The following COL22A1 variants were observed in gnomAD, a reference collection of about 807,000 sequenced individuals.
COL22A1 encodes the protein collagen alpha-1(XXII) chain.
In COL22A1, 221 loss-of-function variants were observed where a neutral mutation model predicts 248.9. The ratio of observed to expected loss-of-function variants is 0.89; its 90% confidence interval spans 0.80 to 0.99. The LOEUF (loss-of-function observed/expected upper bound fraction) is 0.99. COL22A1 is among the 50% of genes least tolerant of loss of function. The pLI, the probability that COL22A1 is intolerant of heterozygous loss-of-function variation, is 0.00. For missense variants in COL22A1, 2,240 were observed against 2,179.0 expected (o/e 1.03, Z -0.56); for synonymous variants, 891 against 793.4 (o/e 1.12, Z -2.07).
At chr8:138,793,173 C>A (rs1016379381) in intron 12 of COL22A1, among the ~76,000 whole-genome samples, 1 of 152,220 alleles carries the variant, frequency 6.6e-6, no homozygotes, top group Non-Finnish European at 1.5e-5. Context: ...CCAATACCCT[C>A]AAACTCAATC....
intron 52 of COL22A1, chr8:138,619,873 C>T (rs1191813756): frequency 4.0e-6 from 1 of 247,862 alleles, no homozygotes; most frequent in Non-Finnish European, 7.9e-6. Context: ...CCGCTATTAA[C>T]ACTTGCACTT....
intron 16 of COL22A1, among the ~76,000 whole-genome samples, chr8:138,774,033 T>C (rs998787013): frequency 6.6e-6 from 1 of 152,122 alleles, no homozygotes; most frequent in African/African-American, 2.4e-5. Flanking sequence ...TTACTCCAAA[T>C]GCCACTTTTA....
In COL22A1 at chr8:138,882,952, C is replaced by T. The variant is rs115485814; in HGVS notation, c.91+130G>A. On this transcript the variant is annotated intron_variant, in intron 2 of 64. Transcript: ENST00000303045. ...AGGCAGCTGACTCACACTTGGATTC[C>T]GGACTCTCCCTCTCTCTCACACAGT... 2,426 of 851,410 alleles carry T rather than the reference C, an allele frequency of 2.8e-3. 41 individuals carry two copies. In the African/African-American group the frequency reaches 0.032, roughly 11 times the overall value. 52.7% of individuals were successfully genotyped at this position (851,410 alleles called of 1,614,324 possible).
At chr8:138,874,553 C>T (rs576794699) in intron 3 of COL22A1, among the ~76,000 whole-genome samples, 10 of 152,220 alleles carry the variant, frequency 6.6e-5, no homozygotes, top group East Asian at 1.9e-4. Flanking sequence ...CCAGTGAGAC[C>T]GAGTGCCAGG....
intron 1 of COL22A1, among the ~76,000 whole-genome samples, chr8:138,905,261 T>A (rs1046447185): frequency 2.6e-5 from 4 of 152,214 alleles, no homozygotes; most frequent in Non-Finnish European, 5.9e-5. Flanking sequence ...CACCCTCCAT[T>A]AGCCCATGCT....
intron 45 of COL22A1, among the ~76,000 whole-genome samples, chr8:138,652,734 G>GTTTTTTTTTTTTTTTTTTTTTTT (rs1564146836): frequency 1.1e-4 from 5 of 45,876 alleles, no homozygotes; most frequent in African/African-American, 2.3e-4. Flanking sequence ...TTCCTTTTCT[G>GTTTTTTTTTTTTTTTTTTTTTTT]GTTTTTTTTT....
chr8:138,660,430 A>G lies in COL22A1; in HGVS notation c.3285+6T>C. 6.2e-7 allele frequency: 1 copy of G among 1,612,356 alleles called. No individual in the cohort carries two copies. The highest frequency in any genetic ancestry group is 8.5e-7 in the Non-Finnish European group (1 of 1,178,346). Reference sequence around the variant, plus strand: ...AATATTCATCCAGAACCATAAGATGACATACCGGCTTGCCAGGAGGCCCTC... The same window carrying G: ...AATATTCATCCAGAACCATAAGATGGCATACCGGCTTGCCAGGAGGCCCTC... On this transcript the variant is annotated splice_donor_region_variant and intron_variant, in intron 44 of 64. Coordinates refer to ENST00000303045, the MANE Select transcript of COL22A1 (RefSeq NM_152888.3).
chr8:138,693,810 A>G (rs954043398), intron 34 of COL22A1, 111 bp from the exon 35 acceptor site: 4 of 1,138,296 alleles, frequency 3.5e-6, no homozygotes, highest in Non-Finnish European at 2.6e-6. Context: ...ATTATTCCAA[A>G]CTGAAGGGGC....
At chr8:138,813,392 G>C (rs372791250) in intron 7 of COL22A1, among the ~76,000 whole-genome samples, 35 of 152,244 alleles carry the variant, frequency 2.3e-4, no homozygotes, top group East Asian at 1.5e-3. Context: ...TTTATAAGGG[G>C]TTTCCCCTTT....
At chr8:138,710,592 TA>T (rs771418403) in intron 30 of COL22A1, among the ~76,000 whole-genome samples, 2,695 of 132,052 alleles carry the variant, frequency 0.02, 28 homozygotes, top group Middle Eastern at 0.039. Flanking sequence ...GCCCATAATC[TA>T]TCTATCTATC....
At chr8:138,746,927 A>G (rs1190256117) in intron 22 of COL22A1, among the ~76,000 whole-genome samples, 3 of 152,240 alleles carry the variant, frequency 2.0e-5, no homozygotes, top group Non-Finnish European at 4.4e-5. Flanking sequence ...AATAAGACAC[A>G]TGAATGTGTT....
intron 63 of COL22A1, among the ~76,000 whole-genome samples, chr8:138,592,458 T>G (rs1393210616): frequency 6.6e-6 from 1 of 152,242 alleles, no homozygotes; most frequent in Admixed American, 6.5e-5. Flanking sequence ...TGCCACAATC[T>G]GATGTTCTCT....
In COL22A1 at chr8:138,716,889, T is replaced by C. The variant is rs374006171; in HGVS notation, c.2356-20A>G. The C allele has an allele frequency of 5.0e-5, 79 of 1,591,870 alleles. No homozygotes were observed. The highest frequency in any genetic ancestry group is 6.6e-5 in the Non-Finnish European group (76 of 1,159,700). ...TTCTCCCTGAAAATGCAATAAAACA[T>C]ACCCCATTATTCTCCATTCACTTTA... On this transcript the variant is annotated intron_variant, in intron 27 of 64. Coordinates refer to ENST00000303045, the MANE Select transcript of COL22A1 (RefSeq NM_152888.3).
intron 1 of COL22A1, among the ~76,000 whole-genome samples, chr8:138,910,394 G>T (rs1179636581): frequency 6.6e-6 from 1 of 152,138 alleles, no homozygotes; most frequent in Admixed American, 6.5e-5. Flanking sequence ...TAGGTGGGAA[G>T]AGTGAAAGGT....
intron 21 of COL22A1, among the ~76,000 whole-genome samples, chr8:138,752,092 G>T (rs773805328): frequency 1.1e-4 from 16 of 152,196 alleles, no homozygotes; most frequent in Non-Finnish European, 1.9e-4. Flanking sequence ...ACTTGGTGCC[G>T]TTAAACCTCG....
At chr8:138,912,690 C>A (rs1438720159) in intron 1 of COL22A1, among the ~76,000 whole-genome samples, 1 of 152,046 alleles carries the variant, frequency 6.6e-6, no homozygotes, top group African/African-American at 2.4e-5. Flanking sequence ...TCACAGTGAG[C>A]CGAGGCTGCA....
At chr8:138,902,787 A>ACAC (rs1563907595) in intron 1 of COL22A1, among the ~76,000 whole-genome samples, 16 of 95,688 alleles carry the variant, frequency 1.7e-4, no homozygotes, top group African/African-American at 7.6e-4. Context: ...CACACACACT[A>ACAC]GAACTGACTG....
chr8:138,704,698 TCTAA>T (rs1451566018), intron 30 of COL22A1, among the ~76,000 whole-genome samples: 1 of 152,086 alleles, frequency 6.6e-6, no homozygotes, highest in Non-Finnish European at 1.5e-5. Context: ...AGCTGAAAAT[TCTAA>T]AAATCAGAGC....
intron 32 of COL22A1, among the ~76,000 whole-genome samples, chr8:138,699,883 G>C (rs541385305): frequency 2.0e-5 from 3 of 152,366 alleles, no homozygotes; most frequent in East Asian, 3.9e-4. Flanking sequence ...TTAGCTATGA[G>C]AGGTGACTTC....
Sources: gnomAD v4.1 joint callset for allele counts (sites outside exome capture counted in the v4.1 genomes callset) on GRCh38, gnomAD v4.1.1 for gene constraint, MANE v1.5 for transcripts, NCBI Gene and HGNC (gene_info 2026-07-23, HGNC 2026-07-21) for gene names.